The following LRTM1 variants were observed in gnomAD, a reference collection of about 807,000 sequenced individuals.
The protein encoded by LRTM1 is leucine-rich repeat and transmembrane domain-containing protein 1.
Under a neutral mutation model 32.4 loss-of-function variants are expected in LRTM1, and 38 were observed. The observed-to-expected ratio is 1.17, with a 90% CI of 0.91 to 1.54. The LOEUF (loss-of-function observed/expected upper bound fraction) is 1.54. LRTM1 is among the 40% of genes most tolerant of loss of function. LRTM1 has a pLI of 0.00. For missense variants in LRTM1, 466 were observed against 415.4 expected, an observed-to-expected ratio of 1.12 and a Z score of -1.06; for synonymous variants, 186 against 169.9, an observed-to-expected ratio of 1.09 and a Z score of -0.74.
At chr3:54,946,015 A>T (rs1427182501) in intron 1 of LRTM1, among the ~76,000 whole-genome samples, 4 of 152,218 alleles carry the variant, frequency 2.6e-5, no homozygotes, top group Non-Finnish European at 5.9e-5. Context: ...AACAGCAGGA[A>T]AACGAGTACC....
In LRTM1 at chr3:54,925,031, A is replaced by T. The variant is rs375697268; in HGVS notation, c.192T>A (p.His64Gln). ...CTGACCTAAATGCAAAAGCAGGAAG[A>T]TGGTGTATCTGATTATCTTGTAAAT... ...TLHLQDNQIHHLPAFAFRSVP... is the reference protein window; with the variant it reads ...TLHLQDNQIHQLPAFAFRSVP... The change falls in exon 2 of 3, where the codon CAT becomes CAA. Residue 64 changes from histidine (H) to glutamine (Q), a missense_variant. Transcript: ENST00000273286. 2.5e-6 allele frequency: 4 copies of T among 1,614,140 alleles called. No homozygotes were observed. The East Asian group carries it at 8.9e-5, about 36-fold the overall frequency.
intron 1 of LRTM1, among the ~76,000 whole-genome samples, chr3:54,954,015 A>G (rs1406296474): frequency 6.6e-6 from 1 of 152,218 alleles, no homozygotes; most frequent in Non-Finnish European, 1.5e-5. Flanking sequence ...ATTTGAATTC[A>G]ACCTAATTTC....
At chr3:54,946,115 G>A (rs1349779861) in intron 1 of LRTM1, among the ~76,000 whole-genome samples, 1 of 152,296 alleles carries the variant, frequency 6.6e-6, no homozygotes, top group African/African-American at 2.4e-5. Flanking sequence ...GCATTGATGT[G>A]CCTGTCCTGA....
chr3:54,930,953 G>T (rs542996526), upstream of LRTM1, among the ~76,000 whole-genome samples: 6 of 152,282 alleles, frequency 3.9e-5, no homozygotes, highest in East Asian at 1.2e-3. Context: ...AAAATTAGCT[G>T]GGCGTGATGG....
chr3:54,941,666 A>G (rs1204162299), intron 1 of LRTM1, among the ~76,000 whole-genome samples: 2 of 152,212 alleles, frequency 1.3e-5, no homozygotes. Flanking sequence ...GTGGGATGTT[A>G]CAAGTTTAAG....
upstream of LRTM1, among the ~76,000 whole-genome samples, chr3:54,932,354 C>T (rs541780691): frequency 9.5e-4 from 140 of 148,106 alleles, no homozygotes; most frequent in African/African-American, 3.4e-3. Context: ...TATAAATACG[C>T]GTTGGTTTGT....
chr3:54,939,881 G>A (rs995971732), intron 1 of LRTM1, among the ~76,000 whole-genome samples: 3 of 152,200 alleles, frequency 2.0e-5, no homozygotes, highest in Non-Finnish European at 2.9e-5. Context: ...TTGCTTTAGA[G>A]CATCCAGAGT....
intron 1 of LRTM1, among the ~76,000 whole-genome samples, chr3:54,963,950 A>T (rs550993157): frequency 6.6e-6 from 1 of 152,332 alleles, no homozygotes; most frequent in East Asian, 1.9e-4. Flanking sequence ...TCTGTAGTTA[A>T]GCCCTCTTAG....
chr3:54,927,876 T>C (rs1053303224), intron 1 of LRTM1, 29 bp downstream of exon 1: 5 of 1,613,246 alleles, frequency 3.1e-6, no homozygotes, highest in Non-Finnish European at 4.2e-6. Flanking sequence ...AGACAAGAAC[T>C]TTTCCAACGG....
chr3:54,925,175 C>T lies in LRTM1; in HGVS notation c.48G>A (p.Gln16=). 3 of 1,614,068 alleles carry T rather than the reference C, an allele frequency of 1.9e-6. No individual in the cohort carries two copies. Among genetic ancestry groups the T allele is most frequent in the Non-Finnish European group, 1.7e-6 (2 of 1,179,994 alleles). The change falls in exon 2 of 3, where the codon CAG becomes CAA. Residue 16 remains glutamine (Q), a synonymous_variant. Transcript: ENST00000273286. ...ACTTGTCCGGGCAGCTGCATACCAC[C>T]TGGAGCAGGACAATCACACTGGAAA... The part of the protein sequence containing the change: ...LLFSSVIVLL[Q]VVCSCPDKCY...
At chr3:54,948,436 G>A (rs1389587377) in intron 1 of LRTM1, among the ~76,000 whole-genome samples, 2 of 152,186 alleles carry the variant, frequency 1.3e-5, no homozygotes, top group African/African-American at 4.8e-5. Flanking sequence ...CTTCTTCATT[G>A]TCCAGAACTT....
At chr3:54,943,617 G>T (rs954025618) in intron 1 of LRTM1, among the ~76,000 whole-genome samples, 1 of 151,922 alleles carries the variant, frequency 6.6e-6, no homozygotes, top group Non-Finnish European at 1.5e-5. Flanking sequence ...TCTTCTTATT[G>T]CTTGGTTTTC....
chr3:54,942,426 C>T (rs1036906125), intron 1 of LRTM1, among the ~76,000 whole-genome samples: 7 of 152,142 alleles, frequency 4.6e-5, no homozygotes, highest in Non-Finnish European at 7.4e-5. Context: ...GAGAAATAAG[C>T]GAAGAGGGAA....
intron 2 of LRTM1, among the ~76,000 whole-genome samples, chr3:54,920,572 G>A (rs1474568378): frequency 6.6e-6 from 1 of 152,206 alleles, no homozygotes; most frequent in African/African-American, 2.4e-5. Flanking sequence ...TGAGTTCAAA[G>A]TGCCATTGAG....
At chr3:54,938,200 A>G (rs1701377306) in intron 1 of LRTM1, among the ~76,000 whole-genome samples, 4 of 152,250 alleles carry the variant, frequency 2.6e-5, no homozygotes, top group Admixed American at 2.6e-4. Context: ...AGGAAGAACC[A>G]GCCCTGCTGG....
chr3:54,963,576 A>G (rs563820022), intron 1 of LRTM1, among the ~76,000 whole-genome samples: 3 of 152,348 alleles, frequency 2.0e-5, no homozygotes, highest in South Asian at 2.1e-4. Context: ...TGGACAGCAC[A>G]GGATCAGAGC....
chr3:54,957,366 C>G (rs1299821466), intron 1 of LRTM1, among the ~76,000 whole-genome samples: 2 of 152,062 alleles, frequency 1.3e-5, no homozygotes, highest in Admixed American at 1.3e-4. Context: ...TCAGGCTGGT[C>G]TTGAACTCCT....
chr3:54,928,909 C>G (rs912681472), upstream of LRTM1, among the ~76,000 whole-genome samples: 12 of 152,126 alleles, frequency 7.9e-5, no homozygotes, highest in African/African-American at 2.9e-4. Context: ...AGGGAACTTT[C>G]CCACCAGGGA....
chr3:54,960,888 C>G, intron 1 of LRTM1, among the ~76,000 whole-genome samples: 1 of 152,160 alleles, frequency 6.6e-6, no homozygotes, highest in African/African-American at 2.4e-5. Context: ...AGTCATTTAT[C>G]TTGGACACCA....
Sources: allele counts gnomAD v4.1 joint callset (sites outside exome capture counted in the v4.1 genomes callset), GRCh38; gene constraint gnomAD v4.1.1; transcripts MANE v1.5; gene names NCBI Gene and HGNC (gene_info 2026-07-23, HGNC 2026-07-21).